TBC1D32: variants seen among roughly 807,000 people sequenced by gnomAD.
The protein encoded by TBC1D32 is TBC1 domain family member 32.
A neutral mutation model predicts 170.3 loss-of-function variants in TBC1D32; 151 were observed. That is an observed-to-expected ratio of 0.89 (90% CI 0.78 to 1.01). The LOEUF (loss-of-function observed/expected upper bound fraction) is 1.01, where lower values mean the gene tolerates loss of function less well. TBC1D32 is among the 50% of genes least tolerant of loss of function. TBC1D32 has a pLI of 0.00. For synonymous variants in TBC1D32, 498 were observed against 488.0 expected, an observed-to-expected ratio of 1.02 and a Z score of -0.27; for missense variants, 1,464 against 1,457.1, an observed-to-expected ratio of 1.00 and a Z score of -0.08.
At chr6:121,207,148 A>T (rs894944694) in intron 21 of TBC1D32, among the ~76,000 whole-genome samples, 2 of 152,230 alleles carry the variant, frequency 1.3e-5, no homozygotes, top group Non-Finnish European at 2.9e-5. Flanking sequence ...TAATCTTCAC[A>T]GAACAATCCA....
chr6:121,258,273 T>C (rs1347167692), intron 15 of TBC1D32, among the ~76,000 whole-genome samples: 1 of 152,168 alleles, frequency 6.6e-6, no homozygotes, highest in African/African-American at 2.4e-5. Context: ...TTGAGGAATT[T>C]TTTTTAACCT....
intron 1 of TBC1D32, among the ~76,000 whole-genome samples, chr6:121,329,189 TTACCTA>T (rs1197654685): frequency 6.6e-6 from 1 of 151,964 alleles, no homozygotes; most frequent in African/African-American, 2.4e-5. Context: ...GCCAGATTTC[TTACCTA>T]TATTTCCCAA....
At chr6:121,180,408 C>A (rs1283936776) in intron 22 of TBC1D32, among the ~76,000 whole-genome samples, 1 of 152,146 alleles carries the variant, frequency 6.6e-6, no homozygotes, top group East Asian at 1.9e-4. Flanking sequence ...GACACACAGA[C>A]CAACGGAACA....
intron 10 of TBC1D32, among the ~76,000 whole-genome samples, chr6:121,295,939 T>C (rs1805565759): frequency 1.3e-5 from 2 of 152,120 alleles, no homozygotes; most frequent in African/African-American, 4.8e-5. Context: ...GAACTGAGAA[T>C]GGCTGACAAT....
At chr6:121,279,646 A>G (rs1358980872) in intron 14 of TBC1D32, among the ~76,000 whole-genome samples, 2 of 151,962 alleles carry the variant, frequency 1.3e-5, no homozygotes, top group Non-Finnish European at 2.9e-5. Context: ...ATCCCTTCTA[A>G]GGGTGTCATT....
At chr6:121,136,546 C>T (rs1334550285) in intron 24 of TBC1D32, among the ~76,000 whole-genome samples, 2 of 152,044 alleles carry the variant, frequency 1.3e-5, no homozygotes, top group African/African-American at 4.8e-5. Context: ...AAATCCCCCC[C>T]TGGCAAAGAA....
At position 121,311,243 on chromosome 6, in the gene TBC1D32, TTC is replaced by T. The variant is rs544661899; in HGVS notation, c.496-398_496-397del. Among the ~76,000 whole-genome samples, 11 of 152,286 alleles carry T rather than the reference TTC, an allele frequency of 7.2e-5. No individual in the cohort carries two copies. The East Asian group carries it at 2.1e-3, about 29-fold the overall frequency. On this transcript the variant is annotated intron_variant, in intron 3 of 31. Coordinates refer to ENST00000398212, the MANE Select transcript of TBC1D32 (RefSeq NM_152730.6). ...CTACAGTGCTGTTTGGACTGTTCTGTTCTCTTTCTTTCCTATACTTTTCCTTA... is the reference window on the plus strand; with the variant it reads ...CTACAGTGCTGTTTGGACTGTTCTGTTCTTTCTTTCCTATACTTTTCCTTA...
At chr6:121,247,135 C>T (rs1797714301) in intron 17 of TBC1D32, among the ~76,000 whole-genome samples, 1 of 152,058 alleles carries the variant, frequency 6.6e-6, no homozygotes, top group Non-Finnish European at 1.5e-5. Flanking sequence ...TCAGTAGAAA[C>T]CTTACAAGCC....
At chr6:121,300,281 T>C (rs1256244694) in intron 9 of TBC1D32, among the ~76,000 whole-genome samples, 1 of 151,950 alleles carries the variant, frequency 6.6e-6, no homozygotes, top group African/African-American at 2.4e-5. Context: ...AACCCCTCTC[T>C]ACTAAAAATA....
intron 10 of TBC1D32, among the ~76,000 whole-genome samples, chr6:121,298,856 C>T (rs1168429259): frequency 6.6e-6 from 1 of 152,072 alleles, no homozygotes; most frequent in African/African-American, 2.4e-5. Context: ...ATCAGTATAA[C>T]ATTTGAATGT....
intron 1 of TBC1D32, among the ~76,000 whole-genome samples, chr6:121,325,357 C>T (rs985364592): frequency 3.3e-5 from 4 of 122,586 alleles, no homozygotes; most frequent in African/African-American, 1.1e-4. Flanking sequence ...GGAGGCATCA[C>T]GCTACCTGAC....
chr6:121,156,822 T>C (rs532543281), intron 24 of TBC1D32, among the ~76,000 whole-genome samples: 98 of 152,282 alleles, frequency 6.4e-4, no homozygotes, highest in African/African-American at 1.9e-3. Context: ...TTGTGTAGTT[T>C]TGAGAAATCT....
At chr6:121,276,873 G>A (rs936396106) in intron 15 of TBC1D32, among the ~76,000 whole-genome samples, 1 of 152,142 alleles carries the variant, frequency 6.6e-6, no homozygotes, top group Non-Finnish European at 1.5e-5. Flanking sequence ...TCCTTAATGT[G>A]TATGCACCTA....
At chr6:121,174,617 G>A (rs1787509295) in intron 22 of TBC1D32, among the ~76,000 whole-genome samples, 1 of 152,168 alleles carries the variant, frequency 6.6e-6, no homozygotes, top group Non-Finnish European at 1.5e-5. Flanking sequence ...CTGGAAGGAG[G>A]TCTAACATGA....
chr6:121,160,025 C>T lies in TBC1D32; in HGVS notation c.2758G>A (p.Ala920Thr). 1 of 1,600,998 alleles carries T rather than the reference C, an allele frequency of 6.2e-7. No individual in the cohort carries two copies. The highest frequency in any genetic ancestry group is 1.1e-5 in the South Asian group (1 of 90,294). ...NCYLSDITRN[A>T]GIKQDNDLDK... ...AATATTTTACCTTGTTTTATACCAG[C>T]ATTTCTTGTAATGTCTGACAGATAG... The change falls in exon 24 of 32, where the codon GCT becomes ACT. Residue 920 changes from alanine (A) to threonine (T), a missense_variant. This residue lies in a region of TBC1D32 where 1,363 missense variants were observed against 1,338.1 expected (regional missense o/e 1.02). Transcript: ENST00000398212.
intron 2 of TBC1D32, among the ~76,000 whole-genome samples, chr6:121,319,056 T>C (rs1479835702): frequency 6.7e-6 from 1 of 149,586 alleles, no homozygotes; most frequent in Non-Finnish European, 1.5e-5. Flanking sequence ...ATTTAAAATA[T>C]ATTAATATAT....
intron 15 of TBC1D32, among the ~76,000 whole-genome samples, chr6:121,268,667 A>G (rs1307351272): frequency 6.6e-6 from 1 of 152,172 alleles, no homozygotes; most frequent in Non-Finnish European, 1.5e-5. Context: ...GGAGAATGAA[A>G]CCAAGTTGGA....
chr6:121,332,614 C>T (rs1480572001), intron 1 of TBC1D32, among the ~76,000 whole-genome samples: 2 of 152,096 alleles, frequency 1.3e-5, no homozygotes, highest in East Asian at 3.8e-4. Context: ...ACTTAAACAA[C>T]TCCATGTAAA....
intron 1 of TBC1D32, among the ~76,000 whole-genome samples, chr6:121,325,962 A>C (rs1048130768): frequency 6.6e-6 from 1 of 152,206 alleles, no homozygotes; most frequent in African/African-American, 2.4e-5. Flanking sequence ...TGGGTGAAGC[A>C]TATGAACAGA....
Sources: gnomAD v4.1 joint callset for allele counts (sites outside exome capture counted in the v4.1 genomes callset) on GRCh38, gnomAD v4.1.1 for gene constraint, gnomAD v4.1.1 regional missense constraint, MANE v1.5 for transcripts, NCBI Gene and HGNC (gene_info 2026-07-23, HGNC 2026-07-21) for gene names.